The following WDPCP variants were observed in gnomAD, a reference collection of about 807,000 sequenced individuals.
The protein encoded by WDPCP is WD repeat containing planar cell polarity effector.
In WDPCP, 71 loss-of-function variants were observed where a neutral mutation model predicts 93.1. The observed-to-expected ratio is 0.76, with a 90% CI of 0.63 to 0.93. The LOEUF is 0.93. Among genes scored for constraint, WDPCP ranks in the 40% least tolerant of loss-of-function variants. The pLI is 0.00. For synonymous variants in WDPCP, 315 were observed against 315.0 expected (o/e 1.00, Z 0.00); for missense variants, 844 against 887.4 (o/e 0.95, Z 0.62).
chr2:63,550,715 G>GTA (rs908319579), intron 1 of WDPCP, among the ~76,000 whole-genome samples: 4 of 146,598 alleles, frequency 2.7e-5, no homozygotes, highest in African/African-American at 4.9e-5. Context: ...ATATATGTGT[G>GTA]TATATATATA....
At chr2:63,277,549 A>T (rs1683182763) in intron 13 of WDPCP, among the ~76,000 whole-genome samples, 1 of 152,204 alleles carries the variant, frequency 6.6e-6, no homozygotes, top group Admixed American at 6.5e-5. Flanking sequence ...TAAGGTAAAG[A>T]GGTGGAAAAA....
At chr2:63,781,616 G>C (rs902190910) in intron 2 of WDPCP, among the ~76,000 whole-genome samples, 4 of 152,182 alleles carry the variant, frequency 2.6e-5, no homozygotes, top group African/African-American at 9.7e-5. Context: ...TTGGGAGGCA[G>C]AGAGTCATGT....
chr2:63,545,830 G>A (rs538276687), intron 1 of WDPCP, among the ~76,000 whole-genome samples: 5 of 147,770 alleles, frequency 3.4e-5, no homozygotes, highest in South Asian at 4.3e-4. Flanking sequence ...AGCCCCTCTC[G>A]TTTCTTCTGA....
At chr2:63,402,249 A>G (rs1694205466) in intron 10 of WDPCP, among the ~76,000 whole-genome samples, 2 of 152,156 alleles carry the variant, frequency 1.3e-5, no homozygotes, top group Admixed American at 1.3e-4. Flanking sequence ...TCTCATTCAT[A>G]AGTGACAGTT....
chr2:63,302,715 G>A (rs1027907205), intron 13 of WDPCP, among the ~76,000 whole-genome samples: 1 of 152,238 alleles, frequency 6.6e-6, no homozygotes, highest in African/African-American at 2.4e-5. Context: ...GTGTCAAGCT[G>A]TAGACACTCT....
chr2:63,547,991 C>A (rs2106338809), intron 1 of WDPCP, among the ~76,000 whole-genome samples: 1 of 151,860 alleles, frequency 6.6e-6, no homozygotes, highest in South Asian at 2.1e-4. Context: ...TTCTAATTAC[C>A]CTGATTTGAT....
At chr2:63,524,791 A>C (rs1370053784) in intron 1 of WDPCP, among the ~76,000 whole-genome samples, 3 of 152,206 alleles carry the variant, frequency 2.0e-5, no homozygotes, top group African/African-American at 4.8e-5. Flanking sequence ...ACAGCAACAT[A>C]AACTATCAAC....
At chr2:63,246,246 T>C (rs1031838002) in intron 14 of WDPCP, among the ~76,000 whole-genome samples, 10 of 152,200 alleles carry the variant, frequency 6.6e-5, no homozygotes, top group African/African-American at 2.4e-4. Flanking sequence ...TCCATTATTA[T>C]GCTAACAAAA....
intron 12 of WDPCP, among the ~76,000 whole-genome samples, chr2:63,336,682 T>C (rs970265252): frequency 6.6e-6 from 1 of 152,158 alleles, no homozygotes; most frequent in African/African-American, 2.4e-5. Flanking sequence ...CTGTGATAAA[T>C]CTACCCATTA....
chr2:63,785,353 C>G (rs1433958890), intron 2 of WDPCP, among the ~76,000 whole-genome samples: 2 of 152,148 alleles, frequency 1.3e-5, no homozygotes, highest in Non-Finnish European at 2.9e-5. Flanking sequence ...CTGCTTTTCC[C>G]TTTCTCTGGT....
chr2:63,577,840 T>C (rs1242020956), intron 1 of WDPCP, among the ~76,000 whole-genome samples: 1 of 152,186 alleles, frequency 6.6e-6, no homozygotes, highest in Non-Finnish European at 1.5e-5. Flanking sequence ...TTTTTAATTA[T>C]ACATGGAATT....
chr2:63,610,421 A>G (rs1055762795), intron 3 of WDPCP, among the ~76,000 whole-genome samples: 1 of 152,174 alleles, frequency 6.6e-6, no homozygotes, highest in Non-Finnish European at 1.5e-5. Flanking sequence ...GGAGTGGGGG[A>G]AAAACCCTAT....
chr2:63,424,280 G>C (rs116311571), intron 9 of WDPCP, among the ~76,000 whole-genome samples: 1 of 151,350 alleles, frequency 6.6e-6, no homozygotes. Flanking sequence ...GGGGGTGTGC[G>C]TCAGCCCTTG....
chr2:63,169,258 G>C (rs565608349), intron 15 of WDPCP, among the ~76,000 whole-genome samples: 30 of 152,270 alleles, frequency 2.0e-4, no homozygotes, highest in Non-Finnish European at 2.9e-4. Context: ...GGGTTCATGG[G>C]TACAGAATTT....
At chr2:63,728,272 C>T (rs2103814909) in intron 2 of WDPCP, among the ~76,000 whole-genome samples, 1 of 152,334 alleles carries the variant, frequency 6.6e-6, no homozygotes, top group Middle Eastern at 3.4e-3. Context: ...CAAAAACGGT[C>T]TTTCAGAAAC....
At chr2:63,701,166 A>C (rs1395932315) in intron 2 of WDPCP, among the ~76,000 whole-genome samples, 1 of 152,244 alleles carries the variant, frequency 6.6e-6, no homozygotes, top group African/African-American at 2.4e-5. Context: ...GCAAAACAAC[A>C]AATAATACAA....
At chr2:63,792,116 A>T (rs1383784288) in intron 2 of WDPCP, among the ~76,000 whole-genome samples, 1 of 152,210 alleles carries the variant, frequency 6.6e-6, no homozygotes, top group African/African-American at 2.4e-5. Flanking sequence ...GTGTGCTGTG[A>T]ATAGTGCAAT....
At chr2:63,249,370 T>C (rs1156931502) in intron 14 of WDPCP, among the ~76,000 whole-genome samples, 2 of 152,196 alleles carry the variant, frequency 1.3e-5, no homozygotes, top group African/African-American at 4.8e-5. Flanking sequence ...GCAACAGTGA[T>C]GTCATCTTGA....
chr2:63,644,973 TTG>T (rs1710032116), intron 3 of WDPCP, among the ~76,000 whole-genome samples: 1 of 152,174 alleles, frequency 6.6e-6, no homozygotes, highest in South Asian at 2.1e-4. Context: ...CATTAATCAT[TTG>T]TGTTATTTTC....
Sources: allele counts gnomAD v4.1 joint callset (sites outside exome capture counted in the v4.1 genomes callset), GRCh38; gene constraint gnomAD v4.1.1; transcripts MANE v1.5; gene names NCBI Gene and HGNC (gene_info 2026-07-23, HGNC 2026-07-21).